The following MNAT1 variants were observed in gnomAD, a reference collection of about 807,000 sequenced individuals.
The protein encoded by MNAT1 is CDK-activating kinase assembly factor MAT1.
MNAT1 carries 43 observed loss-of-function variants against 42.0 expected under a neutral mutation model. The ratio of observed to expected loss-of-function variants is 1.02; its 90% CI spans 0.80 to 1.32. MNAT1 has a LOEUF of 1.32. Among genes scored for constraint, MNAT1 ranks in the 40% most tolerant of loss-of-function variants. The probability of loss-of-function intolerance (pLI) is 0.00; values close to 1 mark genes in which losing one functional copy is unlikely to be tolerated. For synonymous variants in MNAT1, 118 were observed against 120.0 expected (o/e 0.98, Z 0.11); for missense variants, 306 against 350.4 (o/e 0.87, Z 1.01).
At chr14:60,764,741 C>T (rs147112842) in intron 1 of MNAT1, among the ~76,000 whole-genome samples, 105 of 152,144 alleles carry the variant, frequency 6.9e-4, no homozygotes, top group East Asian at 4.8e-3. Flanking sequence ...AATGTGTATA[C>T]GTAAATAAAT....
At chr14:60,938,707 T>C (rs2036067252) in intron 7 of MNAT1, among the ~76,000 whole-genome samples, 2 of 152,170 alleles carry the variant, frequency 1.3e-5, no homozygotes, top group Non-Finnish European at 2.9e-5. Flanking sequence ...TTTTGTTGTG[T>C]CTCTGCCCGG....
chr14:60,864,134 GA>G (rs2034155347), intron 6 of MNAT1, among the ~76,000 whole-genome samples: 2 of 151,928 alleles, frequency 1.3e-5, no homozygotes, highest in African/African-American at 4.8e-5. Context: ...ATGTGTTATG[GA>G]AAAATTGAGT....
At chr14:60,894,980 T>C (rs937700587) in intron 7 of MNAT1, among the ~76,000 whole-genome samples, 1 of 151,966 alleles carries the variant, frequency 6.6e-6, no homozygotes, top group East Asian at 1.9e-4. Flanking sequence ...AAATAATTTG[T>C]TTTTTTTGGT....
At chr14:60,867,942 G>A (rs1887741) in intron 6 of MNAT1, among the ~76,000 whole-genome samples, 143,961 of 152,182 alleles carry the variant, frequency 0.95, 68,374 homozygotes, top group Non-Finnish European at 0.99. Flanking sequence ...AATTATACTT[G>A]CCATGAAATT....
At chr14:60,896,627 A>G (rs929807778) in intron 7 of MNAT1, among the ~76,000 whole-genome samples, 1 of 152,098 alleles carries the variant, frequency 6.6e-6, no homozygotes, top group African/African-American at 2.4e-5. Context: ...CTGGAAAAAC[A>G]GGCGCACACC....
chr14:60,809,662 T>C (rs1040322098), intron 4 of MNAT1, among the ~76,000 whole-genome samples: 1 of 152,148 alleles, frequency 6.6e-6, no homozygotes, highest in Non-Finnish European at 1.5e-5. Flanking sequence ...TGTATATTAA[T>C]TGATTTTGTA....
chr14:60,818,956 G>C, intron 6 of MNAT1, 109 bp downstream of exon 6: 1 of 1,253,064 alleles, frequency 8.0e-7, no homozygotes, highest in South Asian at 1.6e-5. Context: ...TTTAAGAACA[G>C]TGTCTGATCT....
At chr14:60,846,267 C>T (rs2033680390) in intron 6 of MNAT1, among the ~76,000 whole-genome samples, 1 of 152,054 alleles carries the variant, frequency 6.6e-6, no homozygotes, top group South Asian at 2.1e-4. Flanking sequence ...GGATCACGTT[C>T]ACTCTTTTAT....
At chr14:60,776,239 T>G (rs895624106) in intron 1 of MNAT1, among the ~76,000 whole-genome samples, 2 of 152,122 alleles carry the variant, frequency 1.3e-5, no homozygotes, top group African/African-American at 4.8e-5. Flanking sequence ...TGGGAGCTCC[T>G]TGTGAGGTCA....
chr14:60,940,541 C>T (rs11625511), intron 7 of MNAT1, among the ~76,000 whole-genome samples: 22,029 of 152,172 alleles, frequency 0.14, 2,061 homozygotes, highest in East Asian at 0.41. Context: ...CCTCAGCCTC[C>T]CGAGTAGCTG....
chr14:60,947,765 C>T (rs1029312474), intron 7 of MNAT1, among the ~76,000 whole-genome samples: 2 of 152,180 alleles, frequency 1.3e-5, no homozygotes, highest in African/African-American at 4.8e-5. Context: ...GGATCCTGGA[C>T]ACTTCTGTCA....
intron 6 of MNAT1, among the ~76,000 whole-genome samples, chr14:60,860,407 C>A (rs1356166224): frequency 7.5e-6 from 1 of 133,482 alleles, no homozygotes. Flanking sequence ...GGCTGGAGTG[C>A]AGTGGCGCGA....
chr14:60,798,042 A>G, intron 2 of MNAT1, 45 bp from the exon 3 acceptor site: 1 of 917,068 alleles, frequency 1.1e-6, no homozygotes, highest in Non-Finnish European at 1.8e-6. Context: ...TAATATTAAA[A>G]GCAATGATAT....
intron 7 of MNAT1, among the ~76,000 whole-genome samples, chr14:60,916,476 A>T (rs1424167267): frequency 6.6e-6 from 1 of 152,064 alleles, no homozygotes; most frequent in Non-Finnish European, 1.5e-5. Flanking sequence ...GCAACATAAC[A>T]AGATCTCGTC....
chr14:60,776,769 G>T (rs1400610715), intron 1 of MNAT1, among the ~76,000 whole-genome samples: 1 of 152,142 alleles, frequency 6.6e-6, no homozygotes, highest in Non-Finnish European at 1.5e-5. Context: ...TGTGATCATG[G>T]CAGGAAAAAG....
At chr14:60,844,324 A>G (rs2139406241) in intron 6 of MNAT1, among the ~76,000 whole-genome samples, 1 of 152,258 alleles carries the variant, frequency 6.6e-6, no homozygotes, top group East Asian at 1.9e-4. Flanking sequence ...GGGAGAATTA[A>G]GATCTAAAAT....
intron 7 of MNAT1, among the ~76,000 whole-genome samples, chr14:60,922,574 G>T (rs1276111492): frequency 3.3e-5 from 5 of 151,818 alleles, no homozygotes; most frequent in Non-Finnish European, 1.5e-5. Context: ...ATTGATCTTG[G>T]TTCTTACTAT....
Position 60,734,834 on chromosome 14 carries a change from C to T in MNAT1, c.-29C>T, listed in dbSNP as rs891037400. ...AGGTGGCTCTGGCTGAAACAGGCGC[C>T]TGCGAGAGTCTGTAGGAGGGAAACC... On this transcript the variant is annotated 5_prime_UTR_variant, in exon 1 of 8. Coordinates refer to ENST00000261245, the MANE Select transcript of MNAT1 (RefSeq NM_002431.4). The surrounding 1 kb of genome is among the most constrained non-coding windows in gnomAD (Gnocchi z 4.3). 3 of 1,611,222 alleles carry T rather than the reference C, an allele frequency of 1.9e-6. 1 individual carries two copies. Among genetic ancestry groups the T allele is most frequent in the Non-Finnish European group, 8.5e-7 (1 of 1,177,494 alleles).
intron 6 of MNAT1, among the ~76,000 whole-genome samples, chr14:60,847,770 C>T (rs1186946778): frequency 6.6e-6 from 1 of 152,126 alleles, no homozygotes; most frequent in Non-Finnish European, 1.5e-5. Flanking sequence ...TGCATATTGA[C>T]TTATTACAAT....
Sources: allele counts gnomAD v4.1 joint callset (sites outside exome capture counted in the v4.1 genomes callset), GRCh38; gene constraint gnomAD v4.1.1; non-coding constraint Gnocchi (gnomAD v3.1); transcripts MANE v1.5; gene names NCBI Gene and HGNC (gene_info 2026-07-23, HGNC 2026-07-21).